Variants in NALCN observed in about 807,000 individuals in gnomAD.
The protein encoded by NALCN is sodium leak channel, non-selective, also known as sodium leak channel NALCN.
Under a neutral mutation model 225.3 loss-of-function variants are expected in NALCN, and 111 were observed. The ratio of observed to expected loss-of-function variants is 0.49; its 90% CI spans 0.42 to 0.58. The LOEUF (loss-of-function observed/expected upper bound fraction) is 0.58, where lower values mean the gene tolerates loss of function less well. Among genes scored for constraint, NALCN ranks in the 20% least tolerant of loss-of-function variants. The pLI is 0.00. For synonymous variants in NALCN, 764 were observed against 769.0 expected, an observed-to-expected ratio of 0.99 and a Z score of 0.11; for missense variants, 1,378 against 2,202.4, an observed-to-expected ratio of 0.63 and a Z score of 7.49.
intron 13 of NALCN, among the ~76,000 whole-genome samples, chr13:101,218,314 C>T (rs1227414280): frequency 6.6e-6 from 1 of 152,082 alleles, no homozygotes. Flanking sequence ...AACCTGGTGG[C>T]TTAAAACAAC....
chr13:101,277,235 T>C (rs1480388677), intron 10 of NALCN, among the ~76,000 whole-genome samples: 1 of 151,964 alleles, frequency 6.6e-6, no homozygotes, highest in African/African-American at 2.4e-5. Context: ...TGGATGAGGA[T>C]ACAGAGTAGA....
Position 101,276,381 on chromosome 13 carries a change from T to C in NALCN, c.1134+7552A>G, listed in dbSNP as rs116285612. On this transcript the variant is annotated intron_variant, in intron 10 of 43. Transcript: ENST00000251127. ...GACAAATTAATATAATTAAGTTGAT[T>C]AACAAAAAATTTTAACAAGTGGCGT... is the stretch of plus-strand genomic sequence containing the variant. 1.6e-3 allele frequency among the ~76,000 whole-genome samples: 244 copies of C among 152,302 alleles called. 3 individuals carry two copies. Among genetic ancestry groups the C allele is most frequent in the Middle Eastern group, 6.8e-3 (2 of 294 alleles).
intron 7 of NALCN, among the ~76,000 whole-genome samples, chr13:101,312,218 A>T (rs1027614573): frequency 3.1e-4 from 47 of 152,120 alleles, no homozygotes; most frequent in African/African-American, 1.0e-3. Context: ...CCCCTTTATC[A>T]TTTTTTATTG....
chr13:101,409,757 GC>G (rs1363740466), intron 1 of NALCN, among the ~76,000 whole-genome samples: 1 of 152,158 alleles, frequency 6.6e-6, no homozygotes, highest in African/African-American at 2.4e-5. Context: ...GTTAAATTTT[GC>G]AATATGAATC....
At chr13:101,397,091 T>C (rs200242379) in intron 2 of NALCN, among the ~76,000 whole-genome samples, 4 of 62,114 alleles carry the variant, frequency 6.4e-5, no homozygotes, top group East Asian at 1.1e-3. Flanking sequence ...TATATATATA[T>C]ATATATATAT....
At chr13:101,352,681 T>C (rs1473644641) in intron 6 of NALCN, among the ~76,000 whole-genome samples, 1 of 152,158 alleles carries the variant, frequency 6.6e-6, no homozygotes, top group Non-Finnish European at 1.5e-5. Context: ...GATTATAAAC[T>C]GTTCCTAGTA....
intron 7 of NALCN, among the ~76,000 whole-genome samples, chr13:101,315,558 T>A (rs1327818218): frequency 6.6e-6 from 1 of 152,112 alleles, no homozygotes; most frequent in Non-Finnish European, 1.5e-5. Context: ...AGGGAGAAAT[T>A]CTACATTAAT....
chr13:101,058,421 CG>C (rs2031529569), intron 42 of NALCN: 1 of 180,388 alleles, frequency 5.5e-6, no homozygotes, highest in Admixed American at 5.5e-5. Flanking sequence ...ACGGGCTGGG[CG>C]GGGGCAGTCT....
chr13:101,227,996 G>C (rs533040915), intron 13 of NALCN, among the ~76,000 whole-genome samples: 1 of 152,160 alleles, frequency 6.6e-6, no homozygotes, highest in South Asian at 2.1e-4. Context: ...CCTGGGAATC[G>C]GCCTTGCCTC....
At chr13:101,258,204 G>T (rs2042302600) in intron 11 of NALCN, among the ~76,000 whole-genome samples, 1 of 152,098 alleles carries the variant, frequency 6.6e-6, no homozygotes, top group Non-Finnish European at 1.5e-5. Flanking sequence ...AGACCCAGGG[G>T]AAAAGGGTTA....
intron 3 of NALCN, among the ~76,000 whole-genome samples, chr13:101,379,618 A>G (rs374934223): frequency 7.9e-5 from 12 of 152,306 alleles, no homozygotes; most frequent in Admixed American, 5.2e-4. Context: ...ACACAGGAAC[A>G]GAAAACCAAA....
intron 14 of NALCN, 113 bp downstream of exon 14, chr13:101,191,804 T>C (rs1024515277): frequency 1.6e-5 from 17 of 1,032,758 alleles, no homozygotes; most frequent in Non-Finnish European, 2.3e-5. Flanking sequence ...ACCAGATTAG[T>C]CTGCATTAGT....
intron 6 of NALCN, among the ~76,000 whole-genome samples, chr13:101,374,805 G>A (rs1022216266): frequency 6.6e-6 from 1 of 152,054 alleles, no homozygotes; most frequent in Admixed American, 6.5e-5. Flanking sequence ...CTACCTTTTT[G>A]GAGTTGACAT....
In NALCN at chr13:101,095,691, A is replaced by G. The variant is rs2034466142; in HGVS notation, c.3163-11T>C. 1.9e-6 allele frequency: 3 copies of G among 1,598,006 alleles called. No individual in the cohort carries two copies. In the South Asian group the frequency reaches 3.4e-5, roughly 18 times the overall value. On this transcript the variant is annotated splice_polypyrimidine_tract_variant and intron_variant, in intron 27 of 43. Transcript: ENST00000251127. ...GCCATTGCAATCTTCCTAAAGTAGA[A>G]AAACAAGAGGAGAGGGGAAACCTGG... is the stretch of plus-strand genomic sequence containing the variant.
chr13:101,083,106 A>G lies in NALCN; in HGVS notation c.3676T>C (p.Leu1226=). ...IALLVLAQSV[L]LSVKWDVEDP... Reference sequence around the variant, plus strand: ...AAACGAAGTACCTTGACAGAGAGCAACACCGACTGGGCCAGGACGAGTAAT... The same window carrying G: ...AAACGAAGTACCTTGACAGAGAGCAGCACCGACTGGGCCAGGACGAGTAAT... The change falls in exon 32 of 44, where the codon TTG becomes CTG. Residue 1226 remains leucine (L), a synonymous_variant. Coordinates refer to ENST00000251127, the MANE Select transcript of NALCN (RefSeq NM_052867.4). The G allele has an allele frequency of 4.3e-6, 7 of 1,614,116 alleles. No homozygotes were observed. Among genetic ancestry groups the G allele is most frequent in the Non-Finnish European group, 5.9e-6 (7 of 1,179,992 alleles).
intron 14 of NALCN, chr13:101,181,464 C>T: frequency 2.5e-6 from 1 of 393,414 alleles, no homozygotes; most frequent in Admixed American, 2.9e-5. Context: ...TAAACTGGCT[C>T]AGCTGGGCAT....
intron 11 of NALCN, among the ~76,000 whole-genome samples, chr13:101,252,132 A>G (rs1203697138): frequency 1.3e-5 from 2 of 152,140 alleles, no homozygotes; most frequent in Non-Finnish European, 2.9e-5. Flanking sequence ...AATCTCACAG[A>G]ACTATAGCTT....
chr13:101,246,852 AC>A, intron 11 of NALCN, among the ~76,000 whole-genome samples: 1 of 152,308 alleles, frequency 6.6e-6, no homozygotes, highest in East Asian at 1.9e-4. Flanking sequence ...ATATCATAAA[AC>A]CAAATGTCTT....
At chr13:101,178,472 A>C (rs554439144) in intron 14 of NALCN, among the ~76,000 whole-genome samples, 1 of 152,302 alleles carries the variant, frequency 6.6e-6, no homozygotes, top group South Asian at 2.1e-4. Flanking sequence ...AATACTTTTA[A>C]GAGCCAAATA....
Sources: gnomAD v4.1 joint callset for allele counts (sites outside exome capture counted in the v4.1 genomes callset) on GRCh38, gnomAD v4.1.1 for gene constraint, MANE v1.5 for transcripts, NCBI Gene and HGNC (gene_info 2026-07-23, HGNC 2026-07-21) for gene names.